LUC7L2: variants seen among roughly 807,000 people sequenced by gnomAD.
The protein encoded by LUC7L2 is LUC7 like 2, pre-mRNA splicing factor.
LUC7L2 carries 25 observed loss-of-function variants against 52.8 expected under a neutral mutation model. The observed-to-expected ratio is 0.47, with a 90% CI of 0.34 to 0.66. The LOEUF (loss-of-function observed/expected upper bound fraction) is 0.66, where lower values mean the gene tolerates loss of function less well. LUC7L2 is among the 30% of genes least tolerant of loss of function. The pLI is 0.01. For synonymous variants in LUC7L2, 144 were observed against 160.9 expected (o/e 0.89, Z 0.80); for missense variants, 328 against 497.8 (o/e 0.66, Z 3.25).
chr7:139,374,333 A>G (rs1800603238), intron 1 of LUC7L2: 3 of 1,164,470 alleles, frequency 2.6e-6, no homozygotes, highest in Non-Finnish European at 3.8e-6. Flanking sequence ...TAGATGCTGT[A>G]TTGAAATTGC....
At chr7:139,341,599 C>G (rs1238480154) in intron 1 of LUC7L2, 6 of 1,552,932 alleles carry the variant, frequency 3.9e-6, no homozygotes, top group Non-Finnish European at 5.2e-6. Context: ...GTGGGGAGCA[C>G]GGTGTTTAAT....
intron 1 of LUC7L2, among the ~76,000 whole-genome samples, chr7:139,370,450 A>G (rs1326725877): frequency 6.6e-6 from 1 of 152,098 alleles, no homozygotes; most frequent in African/African-American, 2.4e-5. Flanking sequence ...ACATGAAGAC[A>G]CAAGGGTTTT....
intron 1 of LUC7L2, among the ~76,000 whole-genome samples, chr7:139,369,123 T>G (rs1283845253): frequency 1.3e-5 from 2 of 152,262 alleles, no homozygotes; most frequent in Non-Finnish European, 2.9e-5. Context: ...TTGATTATTT[T>G]CAGCTATTGC....
Position 139,412,553 on chromosome 7 carries a change from C to G in LUC7L2, c.782C>G (p.Ser261Cys). ...AAATACATATTTTTTTTTTTTAGGT[C>G]CCGATCACACAGCAAGAATCCAAAA... Reference protein sequence around the residue: ...EREEREKLRRSRSHSKNPKRS... With the variant: ...EREEREKLRRCRSHSKNPKRS... Residue 261 changes from serine (S) to cysteine (C), a missense_variant and splice_region_variant, in exon 8 of 10, where the codon TCC becomes TGC. By Grantham distance (112) the Ser-to-Cys change is moderately radical (BLOSUM62 -1). Around this residue, in one of 2 missense-constraint regions of LUC7L2, gnomAD observed 195 missense variants for 223.3 expected, o/e 0.87. Coordinates refer to ENST00000354926, the MANE Select transcript of LUC7L2 (RefSeq NM_016019.5). 1.3e-6 allele frequency: 2 copies of G among 1,597,918 alleles called. No homozygotes were observed. The highest frequency in any genetic ancestry group is 1.7e-5 in the Admixed American group (1 of 57,370).
chr7:139,365,002 C>CT (rs750061523), intron 1 of LUC7L2, among the ~76,000 whole-genome samples: 5 of 152,190 alleles, frequency 3.3e-5, no homozygotes, highest in Non-Finnish European at 5.9e-5. Flanking sequence ...CAGGATATTT[C>CT]TTAGTCTAGA....
intron 1 of LUC7L2, chr7:139,371,511 A>C (rs2131203345): frequency 9.1e-7 from 1 of 1,104,130 alleles, no homozygotes; most frequent in Non-Finnish European, 1.2e-6. Context: ...AATCTATGAA[A>C]GTTGATTTGG....
At chr7:139,361,967 C>G (rs530966978) in intron 1 of LUC7L2, among the ~76,000 whole-genome samples, 6 of 152,170 alleles carry the variant, frequency 3.9e-5, no homozygotes, top group African/African-American at 1.4e-4. Flanking sequence ...TAAACCATCT[C>G]CTGATAAGTT....
At chr7:139,348,762 C>T (rs113645622) in intron 1 of LUC7L2, among the ~76,000 whole-genome samples, 1,839 of 152,168 alleles carry the variant, frequency 0.012, 44 homozygotes, top group African/African-American at 0.042. Flanking sequence ...GTATAATTTA[C>T]CAGATTTGTG....
intron 2 of LUC7L2, among the ~76,000 whole-genome samples, chr7:139,389,708 T>C (rs1794347326): frequency 6.6e-6 from 1 of 152,206 alleles, no homozygotes; most frequent in African/African-American, 2.4e-5. Context: ...TATCATATTA[T>C]GTAACAAAAT....
chr7:139,351,138 C>T (rs1799447047), intron 1 of LUC7L2, among the ~76,000 whole-genome samples: 1 of 152,200 alleles, frequency 6.6e-6, no homozygotes, highest in African/African-American at 2.4e-5. Context: ...CAATTATTCT[C>T]AAAATGCTTG....
intron 1 of LUC7L2, among the ~76,000 whole-genome samples, chr7:139,348,185 C>CAAT (rs1225130951): frequency 6.7e-6 from 1 of 148,272 alleles, no homozygotes; most frequent in Non-Finnish European, 1.5e-5. Flanking sequence ...ATATTATATA[C>CAAT]AATAATATAT....
intron 2 of LUC7L2, among the ~76,000 whole-genome samples, chr7:139,377,746 C>T (rs534893320): frequency 2.8e-4 from 42 of 150,432 alleles, no homozygotes; most frequent in Admixed American, 2.7e-3. Flanking sequence ...TCAGGCTGGT[C>T]TTGAACTCCT....
intron 1 of LUC7L2, among the ~76,000 whole-genome samples, chr7:139,361,468 A>G (rs1038164017): frequency 1.3e-5 from 2 of 152,228 alleles, no homozygotes; most frequent in African/African-American, 4.8e-5. Context: ...TAAAAATTTT[A>G]TTGCATTCAA....
intron 1 of LUC7L2, among the ~76,000 whole-genome samples, chr7:139,340,831 C>CT (rs112287672): frequency 0.17 from 25,075 of 145,056 alleles, 2,123 homozygotes; most frequent in Middle Eastern, 0.28. Context: ...GCCAACTTTA[C>CT]TTTTTTTTTT....
chr7:139,401,600 G>A (rs1442299289), intron 3 of LUC7L2, among the ~76,000 whole-genome samples: 1 of 151,842 alleles, frequency 6.6e-6, no homozygotes, highest in Non-Finnish European at 1.5e-5. Context: ...TTACAGGCGC[G>A]CACTACCATG....
intron 4 of LUC7L2, 101 bp downstream of exon 4, chr7:139,402,348 C>A: frequency 8.6e-7 from 1 of 1,159,560 alleles, no homozygotes; most frequent in Non-Finnish European, 1.2e-6. Context: ...ATTGCAAAGA[C>A]ATATACAAGG....
At chr7:139,419,468 A>G (rs191325950) in intron 9 of LUC7L2, among the ~76,000 whole-genome samples, 1 of 152,302 alleles carries the variant, frequency 6.6e-6, no homozygotes, top group Non-Finnish European at 1.5e-5. Flanking sequence ...TTGGGGGTCT[A>G]CCCTCAGTGC....
chr7:139,373,149 T>C (rs1204796700), intron 1 of LUC7L2, among the ~76,000 whole-genome samples: 2 of 152,242 alleles, frequency 1.3e-5, no homozygotes, highest in African/African-American at 4.8e-5. Flanking sequence ...GGGCCAGATA[T>C]CTTGACAGAA....
chr7:139,347,411 A>C (rs927808908), intron 1 of LUC7L2, among the ~76,000 whole-genome samples: 1 of 152,122 alleles, frequency 6.6e-6, no homozygotes, highest in African/African-American at 2.4e-5. Flanking sequence ...AACATGGAGA[A>C]ACCTCATCTC....
Sources: gnomAD v4.1 joint callset for allele counts (sites outside exome capture counted in the v4.1 genomes callset) on GRCh38, gnomAD v4.1.1 for gene constraint, gnomAD v4.1.1 regional missense constraint, MANE v1.5 for transcripts, NCBI Gene and HGNC (gene_info 2026-07-23, HGNC 2026-07-21) for gene names.